The following SERINC5 variants were observed in gnomAD, a reference collection of about 807,000 sequenced individuals.
SERINC5 encodes the protein serine incorporator 5.
SERINC5 carries 41 observed loss-of-function variants against 63.1 expected under a neutral mutation model. That is an observed-to-expected ratio of 0.65 (90% CI 0.51 to 0.84). The LOEUF (loss-of-function observed/expected upper bound fraction) is 0.84. Ranked by LOEUF, SERINC5 falls within the 40% of genes least tolerant of loss-of-function variation. The pLI is 0.00. For missense variants in SERINC5, 523 were observed against 573.0 expected (o/e 0.91, Z 0.89); for synonymous variants, 222 against 215.2 (o/e 1.03, Z -0.28).
At chr5:80,145,741 A>T (rs1262695514) in intron 11 of SERINC5, among the ~76,000 whole-genome samples, 2 of 152,108 alleles carry the variant, frequency 1.3e-5, no homozygotes, top group African/African-American at 4.8e-5. Context: ...GTTAAAACTC[A>T]GAACTCGCTT....
chr5:80,240,076 G>A (rs1251343948), intron 1 of SERINC5, among the ~76,000 whole-genome samples: 1 of 152,174 alleles, frequency 6.6e-6, no homozygotes, highest in Non-Finnish European at 1.5e-5. Flanking sequence ...CCAACAGGAT[G>A]GATATGTTAC....
At chr5:80,129,481 A>T (rs1744860913) in intron 11 of SERINC5, among the ~76,000 whole-genome samples, 1 of 152,036 alleles carries the variant, frequency 6.6e-6, no homozygotes, top group South Asian at 2.1e-4. Flanking sequence ...GTTTTAAAAC[A>T]ATTTTTTTGT....
intron 7 of SERINC5, among the ~76,000 whole-genome samples, chr5:80,159,957 A>G (rs1168450160): frequency 1.3e-5 from 2 of 152,194 alleles, no homozygotes; most frequent in Non-Finnish European, 2.9e-5. Context: ...CCTTTGTAAT[A>G]AATCAGTAAA....
chr5:80,182,679 G>A (rs1313526863), intron 2 of SERINC5, among the ~76,000 whole-genome samples: 19 of 151,830 alleles, frequency 1.3e-4, no homozygotes, highest in African/African-American at 4.6e-4. Flanking sequence ...CAGAGTAGCT[G>A]GGATTACAGG....
At chr5:80,165,795 G>A (rs753477789) in intron 7 of SERINC5, among the ~76,000 whole-genome samples, 1 of 152,102 alleles carries the variant, frequency 6.6e-6, no homozygotes. Context: ...AGGCCTAAAA[G>A]CAAACTCCAC....
At chr5:80,190,630 T>C (rs920759366) in intron 2 of SERINC5, among the ~76,000 whole-genome samples, 2 of 152,240 alleles carry the variant, frequency 1.3e-5, no homozygotes, top group African/African-American at 4.8e-5. Flanking sequence ...AAATGCTGTA[T>C]GCACAAAACT....
intron 1 of SERINC5, among the ~76,000 whole-genome samples, chr5:80,225,028 C>CTT (rs1751107692): frequency 6.6e-6 from 1 of 150,998 alleles, no homozygotes; most frequent in Non-Finnish European, 1.5e-5. Flanking sequence ...GCAACCTCTG[C>CTT]CTCCCAGGTT....
chr5:80,136,930 G>A (rs1397328586), downstream of SERINC5, among the ~76,000 whole-genome samples: 2 of 151,934 alleles, frequency 1.3e-5, no homozygotes, highest in African/African-American at 4.8e-5. Flanking sequence ...GAGGTCAGGA[G>A]TTCCAGACGA....
Position 80,166,453 on chromosome 5 carries a change from T to A in SERINC5, c.789A>T (p.Gln263His), listed in dbSNP as rs775005753. The A allele has an allele frequency of 1.3e-6, 2 of 1,594,038 alleles. No homozygotes were observed. The highest frequency in any genetic ancestry group is 1.3e-5 in the African/African-American group (1 of 74,530). ...TGACATAGCAGCTTATGACCCCTGATTGTAAGAGCCCCGAGTGTGGCTGTC... is the reference window on the plus strand; with the variant it reads ...TGACATAGCAGCTTATGACCCCTGAATGTAAGAGCCCCGAGTGTGGCTGTC... The part of the protein sequence containing the change: ...QNRQPHSGLL[Q>H]SGVISCYVTY... Residue 263 changes from glutamine (Q) to histidine (H), a missense_variant, in exon 7 of 12, where the codon CAA becomes CAT. By Grantham distance (24) the Gln-to-His change is conservative. Transcript: ENST00000507668.
chr5:80,142,945 G>T lies in SERINC5; in HGVS notation c.*718C>A. On this transcript the variant is annotated 3_prime_UTR_variant, in exon 12 of 12. Transcript: ENST00000507668. ...TCGGATCAGGTAGTGATAATAAGGT[G>T]GGGAACCACCTGGGGGGTGATCAGA... 1 of 985,404 alleles carries T rather than the reference G, an allele frequency of 1.0e-6. No individual in the cohort carries two copies. Among genetic ancestry groups the T allele is most frequent in the Non-Finnish European group, 1.2e-6 (1 of 829,918 alleles). 61.0% of individuals were successfully genotyped at this position (985,404 alleles called of 1,614,324 possible). A position where few individuals can be genotyped will look rare whatever the true frequency, so the allele number is the denominator to read the frequency against.
At chr5:80,111,905 C>T (rs1437439152) in intron 12 of SERINC5, among the ~76,000 whole-genome samples, 1 of 152,190 alleles carries the variant, frequency 6.6e-6, no homozygotes, top group East Asian at 1.9e-4. Flanking sequence ...GGATCTAGGG[C>T]TGTGCAGGAT....
intron 5 of SERINC5, among the ~76,000 whole-genome samples, chr5:80,172,804 G>A (rs181434784): frequency 1.3e-5 from 2 of 152,306 alleles, no homozygotes; most frequent in Non-Finnish European, 2.9e-5. Context: ...GTGCGTGGGA[G>A]ACGACCAACG....
intron 11 of SERINC5, among the ~76,000 whole-genome samples, chr5:80,117,661 A>T (rs1334533654): frequency 6.9e-6 from 1 of 145,982 alleles, no homozygotes; most frequent in African/African-American, 2.6e-5. Flanking sequence ...AAAAAAAAAG[A>T]CCACAAACCA....
At chr5:80,187,336 T>C (rs1006398527) in intron 2 of SERINC5, among the ~76,000 whole-genome samples, 2 of 152,216 alleles carry the variant, frequency 1.3e-5, no homozygotes, top group Non-Finnish European at 2.9e-5. Flanking sequence ...ATCCCTCACT[T>C]GAAAATGCAT....
At chr5:80,123,751 A>AG (rs1214204098) in intron 11 of SERINC5, among the ~76,000 whole-genome samples, 25 of 152,212 alleles carry the variant, frequency 1.6e-4, no homozygotes, top group Non-Finnish European at 2.8e-4. Context: ...CTTGCACCTG[A>AG]GAACGTGCAG....
chr5:80,199,615 A>T (rs1749708248), intron 2 of SERINC5, among the ~76,000 whole-genome samples: 1 of 152,196 alleles, frequency 6.6e-6, no homozygotes, highest in Admixed American at 6.5e-5. Context: ...TCAGGTGTGA[A>T]TATTATCATT....
chr5:80,212,408 A>G (rs1457558276), intron 1 of SERINC5, among the ~76,000 whole-genome samples: 2 of 152,192 alleles, frequency 1.3e-5, no homozygotes, highest in Non-Finnish European at 2.9e-5. Flanking sequence ...CACACCTTTC[A>G]GTAATACATA....
chr5:80,147,977 A>G (rs1446694094), intron 9 of SERINC5, among the ~76,000 whole-genome samples: 1 of 152,146 alleles, frequency 6.6e-6, no homozygotes, highest in Non-Finnish European at 1.5e-5. Flanking sequence ...CGAATGCAGG[A>G]TGGGGACACC....
intron 2 of SERINC5, among the ~76,000 whole-genome samples, chr5:80,200,864 C>T (rs1169445175): frequency 1.3e-5 from 2 of 151,712 alleles, no homozygotes; most frequent in South Asian, 2.1e-4. Flanking sequence ...GAGGCTGAGG[C>T]GGGCAGATCA....
Sources: gnomAD v4.1 joint callset for allele counts (sites outside exome capture counted in the v4.1 genomes callset) on GRCh38, gnomAD v4.1.1 for gene constraint, MANE v1.5 for transcripts, NCBI Gene and HGNC (gene_info 2026-07-23, HGNC 2026-07-21) for gene names.